The following TET1 variants were observed in gnomAD, a reference collection of about 807,000 sequenced individuals.
TET1 encodes the protein tet methylcytosine dioxygenase 1, also known as methylcytosine dioxygenase TET1.
Under a neutral mutation model 148.7 loss-of-function variants are expected in TET1, and 13 were observed. That is an observed-to-expected ratio of 0.09 (90% CI 0.06 to 0.14). The LOEUF (loss-of-function observed/expected upper bound fraction) is 0.14. Among genes scored for constraint, TET1 ranks in the 10% least tolerant of loss-of-function variants. The pLI is 1.00. For synonymous variants in TET1, 907 were observed against 937.2 expected, an observed-to-expected ratio of 0.97 and a Z score of 0.59; for missense variants, 2,182 against 2,553.8, an observed-to-expected ratio of 0.85 and a Z score of 3.14.
intron 8 of TET1, chr10:68,674,711 T>C: frequency 2.1e-6 from 1 of 482,040 alleles, no homozygotes; most frequent in Non-Finnish European, 4.0e-6. Context: ...TACCGGTGCT[T>C]ACTTGCTTCA....
chr10:68,662,903 A>G (rs1441998094), intron 6 of TET1, among the ~76,000 whole-genome samples: 2 of 152,226 alleles, frequency 1.3e-5, no homozygotes, highest in Non-Finnish European at 2.9e-5. Flanking sequence ...CCAAGGTGAC[A>G]TAGTGAGACA....
At position 68,645,242 on chromosome 10, in the gene TET1, C is replaced by T; in HGVS notation, c.2513C>T (p.Ser838Phe). ...TTTAACTGCAGTTCCATTCCACATT[C>T]TTCACACTCCATCATAAATCATCAT... ...PGFNCSSIPH[S>F]SHSIINHHAS... The change falls in exon 4 of 12, where the codon TCT becomes TTT. Residue 838 changes from serine (S) to phenylalanine (F), a missense_variant. Physicochemically the swap from Ser to Phe is radical, Grantham distance 155. This residue lies in a region of TET1 where 582 missense variants were observed against 599.5 expected (regional missense o/e 0.97). Coordinates refer to ENST00000373644, the MANE Select transcript of TET1 (RefSeq NM_030625.3). 3 of 1,614,062 alleles carry T rather than the reference C, an allele frequency of 1.9e-6. No homozygotes were observed. The highest frequency in any genetic ancestry group is 2.5e-6 in the Non-Finnish European group (3 of 1,179,970).
chr10:68,683,317 C>T (rs904337584), intron 10 of TET1, among the ~76,000 whole-genome samples: 9 of 152,066 alleles, frequency 5.9e-5, no homozygotes, highest in African/African-American at 1.7e-4. Context: ...CTCACTCTGT[C>T]GCCCAGGCTA....
chr10:68,596,025 C>T (rs7080412), intron 2 of TET1, among the ~76,000 whole-genome samples: 4,346 of 55,332 alleles, frequency 0.079, 376 homozygotes, highest in African/African-American at 0.2. Flanking sequence ...CACACACACA[C>T]ACATATATAT....
At position 68,691,337 on chromosome 10, in the gene TET1, C is replaced by A. The variant is rs1199571965; in HGVS notation, c.5934C>A (p.Asp1978Glu). The change falls in exon 12 of 12, where the codon GAC becomes GAA. Residue 1978 changes from aspartate (D) to glutamate (E), a missense_variant. Asp to Glu is a conservative substitution (Grantham distance 45). Transcript: ENST00000373644. The surrounding 1 kb of genome is among the most constrained non-coding windows in gnomAD (Gnocchi z 4.4). Reference sequence around the variant, plus strand: ...CATCAGACGAACCCCTATCTGATGACCCCCTGTCACCTGCTGAGGAGAAAT... The same window carrying A: ...CATCAGACGAACCCCTATCTGATGAACCCCTGTCACCTGCTGAGGAGAAAT... ...EPPSDEPLSD[D>E]PLSPAEEKLP... 5 of 1,614,168 alleles carry A rather than the reference C, an allele frequency of 3.1e-6. No individual in the cohort carries two copies. Among genetic ancestry groups the A allele is most frequent in the South Asian group, 1.1e-5 (1 of 91,086 alleles).
intron 3 of TET1, among the ~76,000 whole-genome samples, chr10:68,616,832 C>T (rs548262391): frequency 6.6e-6 from 1 of 150,480 alleles, no homozygotes; most frequent in Non-Finnish European, 1.5e-5. Flanking sequence ...CTCAGCCTCC[C>T]GAGCAGCTGG....
chr10:68,579,423 T>C (rs2053767593), intron 2 of TET1, among the ~76,000 whole-genome samples: 1 of 152,218 alleles, frequency 6.6e-6, no homozygotes. Context: ...CACTGCTATA[T>C]TGAGGCCTTT....
At position 68,684,921 on chromosome 10, in the gene TET1, A is replaced by G. The variant is rs557625007; in HGVS notation, c.5053-1435A>G. Among the ~76,000 whole-genome samples, 5 of 152,220 alleles carry G rather than the reference A, an allele frequency of 3.3e-5. No homozygotes were observed. The East Asian group carries it at 9.6e-4, about 29-fold the overall frequency. On this transcript the variant is annotated intron_variant, in intron 10 of 11. Coordinates refer to ENST00000373644, the MANE Select transcript of TET1 (RefSeq NM_030625.3). ...TGACATTCTGATTTTCAGCATGACT[A>G]TTATTAGTTATGAACAGATTACCAC...
In TET1 at chr10:68,640,178, C is replaced by T. The variant is rs558722437; in HGVS notation, c.1969-4520C>T. Among the ~76,000 whole-genome samples, 8 of 151,726 alleles carry T rather than the reference C, an allele frequency of 5.3e-5. No homozygotes were observed. In the South Asian group the frequency reaches 1.0e-3, roughly 20 times the overall value. ...CTGACCTCAGGTGATCCGCCTGCCT[C>T]GACCTCCCAAAGTGCTGGGATTACA... On this transcript the variant is annotated intron_variant, in intron 3 of 11. Transcript: ENST00000373644.
At chr10:68,666,993 T>C (rs1159940635) in intron 6 of TET1, 52 bp from the exon 7 acceptor site, 4 of 1,490,648 alleles carry the variant, frequency 2.7e-6, no homozygotes, top group South Asian at 1.2e-5. Flanking sequence ...ATCCATTGCA[T>C]TCAAATTTGG....
At chr10:68,575,891 G>A (rs552265088) in intron 2 of TET1, among the ~76,000 whole-genome samples, 1 of 149,552 alleles carries the variant, frequency 6.7e-6, no homozygotes, top group Non-Finnish European at 1.5e-5. Context: ...GTGACGGCGT[G>A]CGCCTGCAGT....
At chr10:68,580,804 AAAT>A (rs1564952244) in intron 2 of TET1, among the ~76,000 whole-genome samples, 1 of 124,812 alleles carries the variant, frequency 8.0e-6, no homozygotes, top group African/African-American at 3.0e-5. Flanking sequence ...AAAAAAAAAA[AAAT>A]ATATATATAT....
Position 68,690,957 on chromosome 10 carries a change from C to T in TET1, c.5554C>T (p.Pro1852Ser). Residue 1852 changes from proline to serine, a missense_variant, in exon 12 of 12, where the codon CCG (proline) becomes TCG (serine). Pro to Ser is a moderately conservative substitution (Grantham distance 74, BLOSUM62 -1). Around this residue, in one of 11 missense-constraint regions of TET1, gnomAD observed 380 missense variants for 387.9 expected, o/e 0.98. Transcript: ENST00000373644. ...GGCATCTCCAGGCTTCTCCTGGTCC[C>T]CGAAGACTGCTTCAGCCACACCAGC... ...KEASPGFSWSPKTASATPAPL... is the reference protein window; with the variant it reads ...KEASPGFSWSSKTASATPAPL... The T allele has an allele frequency of 5.0e-6, 8 of 1,614,224 alleles. No homozygotes were observed. Among genetic ancestry groups the T allele is most frequent in the Non-Finnish European group, 6.8e-6 (8 of 1,180,042 alleles).
At chr10:68,618,702 A>AGTATAGTACAATCCTAT (rs1162169969) in intron 3 of TET1, among the ~76,000 whole-genome samples, 1 of 152,240 alleles carries the variant, frequency 6.6e-6, no homozygotes, top group Non-Finnish European at 1.5e-5. Context: ...TAATAGCATA[A>AGTATAGTACAATCCTAT]GTATAGTACA....
chr10:68,670,702 A>C (rs1344999306), intron 7 of TET1, among the ~76,000 whole-genome samples: 3 of 152,082 alleles, frequency 2.0e-5, no homozygotes, highest in Non-Finnish European at 4.4e-5. Context: ...TTTGTTTGGC[A>C]ACTTTAATTT....
chr10:68,661,538 CT>C (rs1259966891), intron 6 of TET1, among the ~76,000 whole-genome samples: 1 of 151,974 alleles, frequency 6.6e-6, no homozygotes, highest in East Asian at 1.9e-4. Context: ...GTCACCCAGG[CT>C]AAAAGTACAG....
chr10:68,694,313 C>T lies in TET1; in HGVS notation c.*2499C>T, dbSNP rs529974405. 37 of 232,744 alleles carry T rather than the reference C, an allele frequency of 1.6e-4. No homozygotes were observed. Among genetic ancestry groups the T allele is most frequent in the African/African-American group, 7.0e-4 (32 of 45,442 alleles). 14.4% of individuals were successfully genotyped at this position (232,744 alleles called of 1,614,324 possible). On this transcript the variant is annotated 3_prime_UTR_variant, in exon 12 of 12. Transcript: ENST00000373644. The stretch of plus-strand genomic sequence containing the variant: ...AATTGGATTCCTACTTTGTTGGACT[C>T]TCTTTCCTGATTTTAACAATTTACC...
At chr10:68,569,541 C>T (rs2053644006) in intron 1 of TET1, among the ~76,000 whole-genome samples, 1 of 152,128 alleles carries the variant, frequency 6.6e-6, no homozygotes, top group Non-Finnish European at 1.5e-5. Flanking sequence ...ACAGATGATA[C>T]TTCTCCCAGT....
Position 68,651,892 on chromosome 10 carries a change from G to A in TET1, c.4323G>A (p.Gly1441=). The change falls in exon 5 of 12, where the codon GGG becomes GGA. Residue 1441 remains glycine (G), a synonymous_variant. Coordinates refer to ENST00000373644, the MANE Select transcript of TET1 (RefSeq NM_030625.3). The part of the protein sequence containing the change: ...KDKGPYYTHL[G]AGPSVAAVRE... ...AAGGCCCATATTATACACACCTTGG[G>A]GCAGGACCAAGTGTTGCTGCTGTCA... is the stretch of plus-strand genomic sequence containing the variant. 1 of 1,613,852 alleles carries A rather than the reference G, an allele frequency of 6.2e-7. No homozygotes were observed. The highest frequency in any genetic ancestry group is 2.2e-5 in the East Asian group (1 of 44,854).
Sources: allele counts gnomAD v4.1 joint callset (sites outside exome capture counted in the v4.1 genomes callset), GRCh38; gene constraint gnomAD v4.1.1; regional missense constraint gnomAD v4.1.1; non-coding constraint Gnocchi (gnomAD v3.1); transcripts MANE v1.5; gene names NCBI Gene and HGNC (gene_info 2026-07-23, HGNC 2026-07-21).